MAGI2: variants seen among roughly 807,000 people sequenced by gnomAD.
MAGI2 encodes membrane-associated guanylate kinase, WW and PDZ domain-containing protein 2.
In MAGI2, 35 loss-of-function variants were observed where a neutral mutation model predicts 133.3. The ratio of observed to expected loss-of-function variants is 0.26; its 90% confidence interval spans 0.20 to 0.35. The LOEUF (loss-of-function observed/expected upper bound fraction) is 0.35. MAGI2 is among the 10% of genes least tolerant of loss of function. The pLI is 1.00. For missense variants in MAGI2, 1,636 were observed against 1,863.4 expected, an observed-to-expected ratio of 0.88 and a Z score of 2.25; for synonymous variants, 729 against 710.6, an observed-to-expected ratio of 1.03 and a Z score of -0.41.
intron 2 of MAGI2, among the ~76,000 whole-genome samples, chr7:78,734,947 G>A (rs1821706029): frequency 6.6e-6 from 1 of 152,086 alleles, no homozygotes; most frequent in South Asian, 2.1e-4. Context: ...TGAGATTTTT[G>A]TGATTGTCTG....
intron 7 of MAGI2, among the ~76,000 whole-genome samples, chr7:78,363,289 T>C (rs142700383): frequency 3.3e-5 from 5 of 152,166 alleles, no homozygotes; most frequent in Admixed American, 2.0e-4. Context: ...GTCAGGAGAT[T>C]GAGACCATCC....
At chr7:78,534,237 G>A (rs928801653) in intron 3 of MAGI2, among the ~76,000 whole-genome samples, 2 of 152,174 alleles carry the variant, frequency 1.3e-5, no homozygotes, top group Admixed American at 6.5e-5. Context: ...ACTCCAAGAA[G>A]AGTTCAAGTT....
chr7:79,145,104 T>C (rs986800038), intron 1 of MAGI2, among the ~76,000 whole-genome samples: 5 of 152,156 alleles, frequency 3.3e-5, no homozygotes, highest in Non-Finnish European at 7.4e-5. Context: ...GATTGGGAAG[T>C]TGTTATTTAA....
chr7:78,335,867 T>A (rs1222417313), intron 9 of MAGI2, among the ~76,000 whole-genome samples: 1 of 152,202 alleles, frequency 6.6e-6, no homozygotes, highest in Non-Finnish European at 1.5e-5. Context: ...AAAGCCATAA[T>A]GATGCAAAAA....
At chr7:79,397,581 T>G (rs1563186119) in intron 1 of MAGI2, among the ~76,000 whole-genome samples, 1 of 152,146 alleles carries the variant, frequency 6.6e-6, no homozygotes, top group Non-Finnish European at 1.5e-5. Flanking sequence ...ACTGCATAAG[T>G]GTACTGGTCT....
intron 2 of MAGI2, among the ~76,000 whole-genome samples, chr7:78,955,328 T>C (rs1433614326): frequency 6.6e-6 from 1 of 152,046 alleles, no homozygotes; most frequent in Admixed American, 6.6e-5. Flanking sequence ...CATATGTATA[T>C]ATATAAATAA....
At chr7:78,339,298 G>A (rs1790107303) in intron 9 of MAGI2, among the ~76,000 whole-genome samples, 1 of 152,148 alleles carries the variant, frequency 6.6e-6, no homozygotes, top group South Asian at 2.1e-4. Flanking sequence ...CTTTTATCTT[G>A]CCTAGGACCT....
chr7:78,055,250 G>A (rs1020909246), intron 21 of MAGI2, among the ~76,000 whole-genome samples: 3 of 152,124 alleles, frequency 2.0e-5, no homozygotes, highest in Admixed American at 2.0e-4. Context: ...TCACAGAAAG[G>A]CAAAAAGAAA....
chr7:78,418,998 C>T (rs1189014266), intron 6 of MAGI2, among the ~76,000 whole-genome samples: 3 of 151,958 alleles, frequency 2.0e-5, no homozygotes, highest in Admixed American at 6.6e-5. Context: ...TAATAAATTG[C>T]CTGGAAATTA....
intron 1 of MAGI2, chr7:79,415,195 G>A (rs954467381): frequency 6.6e-5 from 10 of 152,148 alleles, no homozygotes; most frequent in African/African-American, 2.4e-4. Context: ...GTGAAAAAAT[G>A]GTAGTGAGTT....
At chr7:79,330,225 G>T (rs959513982) in intron 1 of MAGI2, among the ~76,000 whole-genome samples, 7 of 112,114 alleles carry the variant, frequency 6.2e-5, no homozygotes, top group African/African-American at 2.2e-4. Context: ...AAGGAGTCTC[G>T]CTCTGTTCCC....
chr7:78,882,115 A>AAAAAAAAAAAAAG (rs1795918606), intron 2 of MAGI2, among the ~76,000 whole-genome samples: 6 of 93,732 alleles, frequency 6.4e-5, no homozygotes, highest in South Asian at 6.9e-4. Context: ...AAAAGAAAAG[A>AAAAAAAAAAAAAG]AAAACAAAAA....
chr7:79,181,905 C>T (rs888416455), intron 1 of MAGI2, among the ~76,000 whole-genome samples: 1 of 152,056 alleles, frequency 6.6e-6, no homozygotes, highest in Admixed American at 6.6e-5. Flanking sequence ...TGCCATCAGT[C>T]TCTTTGCTAA....
At chr7:78,835,846 G>A (rs1240515141) in intron 2 of MAGI2, among the ~76,000 whole-genome samples, 1 of 152,186 alleles carries the variant, frequency 6.6e-6, no homozygotes, top group Non-Finnish European at 1.5e-5. Flanking sequence ...GAGCCATACA[G>A]AGGAAAGCAT....
chr7:78,993,448 T>C (rs1359163738), intron 2 of MAGI2, among the ~76,000 whole-genome samples: 2 of 152,076 alleles, frequency 1.3e-5, no homozygotes, highest in African/African-American at 4.8e-5. Context: ...GTAAATTTCC[T>C]TTCAAAACCA....
At chr7:78,255,840 A>G in intron 10 of MAGI2, 103 bp downstream of exon 10, 1 of 1,196,504 alleles carries the variant, frequency 8.4e-7, no homozygotes, top group Non-Finnish European at 1.2e-6. Context: ...TTTTTAAAGT[A>G]TAATTTCATT....
chr7:78,372,983 A>C (rs1394443387), intron 6 of MAGI2, among the ~76,000 whole-genome samples: 1 of 72,878 alleles, frequency 1.4e-5, no homozygotes, highest in Non-Finnish European at 2.7e-5. Flanking sequence ...AAAATAAATA[A>C]CCTTATGTGT....
Position 78,912,831 on chromosome 7 carries a change from A to G in MAGI2, c.418+94259T>C, listed in dbSNP as rs925737540. ...ATATATATCATTCATATATATATAT[A>G]TATTCCACTTCATATATCCATCATA... On this transcript the variant is annotated intron_variant, in intron 2 of 21. Coordinates refer to ENST00000354212, the MANE Select transcript of MAGI2 (RefSeq NM_012301.4). Among the ~76,000 whole-genome samples, 139 of 147,110 alleles carry G rather than the reference A, an allele frequency of 9.4e-4. 1 individual carries two copies. The highest frequency in any genetic ancestry group is 3.3e-3 in the African/African-American group (133 of 40,064).
At chr7:79,178,501 C>T (rs1401370427) in intron 1 of MAGI2, among the ~76,000 whole-genome samples, 3 of 151,926 alleles carry the variant, frequency 2.0e-5, no homozygotes, top group Admixed American at 6.6e-5. Context: ...CAACTGAGGT[C>T]AGGAGTTCGA....
Sources: allele counts gnomAD v4.1 joint callset (sites outside exome capture counted in the v4.1 genomes callset), GRCh38; gene constraint gnomAD v4.1.1; transcripts MANE v1.5; gene names NCBI Gene and HGNC (gene_info 2026-07-23, HGNC 2026-07-21).